The following CYFIP1 variants were observed in gnomAD, a reference collection of about 807,000 sequenced individuals.
CYFIP1 encodes the protein cytoplasmic FMR1-interacting protein 1.
A neutral mutation model predicts 163.5 loss-of-function variants in CYFIP1; 58 were observed. That is an observed-to-expected ratio of 0.35 (90% CI 0.29 to 0.44). CYFIP1 has a LOEUF of 0.44. Ranked by LOEUF, CYFIP1 falls within the 20% of genes least tolerant of loss-of-function variation. The pLI, the probability that CYFIP1 is intolerant of heterozygous loss-of-function variation, is 1.00. For synonymous variants in CYFIP1, 663 were observed against 660.7 expected, an observed-to-expected ratio of 1.00 and a Z score of -0.05; for missense variants, 1,338 against 1,653.8, an observed-to-expected ratio of 0.81 and a Z score of 3.31.
chr15:22,943,164 G>A lies in CYFIP1; in HGVS notation c.569+9C>T, dbSNP rs772060380. 9 of 1,613,442 alleles carry A rather than the reference G, an allele frequency of 5.6e-6. No homozygotes were observed. Among genetic ancestry groups the A allele is most frequent in the African/African-American group, 4.0e-5 (3 of 75,052 alleles). On this transcript the variant is annotated intron_variant, in intron 6 of 30. Coordinates refer to ENST00000617928, the MANE Select transcript of CYFIP1 (RefSeq NM_014608.6). ...GGGAGGGCCCGCAGTGCGCGAGGTGGGTGCTCACCTCTTGTACGCTGAGTG... is the reference window on the plus strand; with the variant it reads ...GGGAGGGCCCGCAGTGCGCGAGGTGAGTGCTCACCTCTTGTACGCTGAGTG...
At chr15:22,918,053 T>G in intron 14 of CYFIP1, 118 bp from the exon 15 acceptor site, 53 of 1,202,636 alleles carry the variant, frequency 4.4e-5, no homozygotes, top group Non-Finnish European at 5.5e-5. Context: ...AAAATACAAA[T>G]TACTCTGGGG....
chr15:22,885,321 C>T (rs2059900542), intron 23 of CYFIP1, among the ~76,000 whole-genome samples: 2 of 152,186 alleles, frequency 1.3e-5, no homozygotes, highest in Non-Finnish European at 2.9e-5. Context: ...AGTCTCTTGG[C>T]TAAAGTGTAG....
At position 22,912,239 on chromosome 15, in the gene CYFIP1, G is replaced by A. The variant is rs1279409146; in HGVS notation, c.2022C>T (p.Ser674=). The A allele has an allele frequency of 4.3e-6, 7 of 1,613,992 alleles. No individual in the cohort carries two copies. Among genetic ancestry groups the A allele is most frequent in the East Asian group, 4.5e-5 (2 of 44,868 alleles). ...TGAACCTGGTGAGCGCGTAGTGGGC[G>A]CTGTCATTGTACAGGTCCAGGGAGT... The part of the protein sequence containing the change: ...VLYSLDLYND[S]AHYALTRFNK... The change falls in exon 18 of 31, where the codon AGC becomes AGT. Residue 674 remains serine (S), a synonymous_variant. Transcript: ENST00000617928.
chr15:22,944,376 G>A (rs542286145), intron 5 of CYFIP1, among the ~76,000 whole-genome samples, 182 bp downstream of exon 5: 3 of 152,076 alleles, frequency 2.0e-5, no homozygotes, highest in Non-Finnish European at 2.9e-5. Flanking sequence ...AAGGAGCGTT[G>A]ATTCCGAAAG....
chr15:22,875,858 C>T (rs889582811), intron 26 of CYFIP1, among the ~76,000 whole-genome samples: 11 of 121,006 alleles, frequency 9.1e-5, no homozygotes, highest in African/African-American at 3.1e-4. Context: ...GTAATAAAAA[C>T]CACACAAGGT....
chr15:22,956,117 G>A (rs1276876758), intron 1 of CYFIP1, among the ~76,000 whole-genome samples: 1 of 152,138 alleles, frequency 6.6e-6, no homozygotes, highest in East Asian at 1.9e-4. Context: ...TGAGGCATGA[G>A]AATCACTTGA....
At chr15:22,912,065 C>T (rs2060803261) in intron 18 of CYFIP1, 114 bp downstream of exon 18, 2 of 933,750 alleles carry the variant, frequency 2.1e-6, no homozygotes. Context: ...ATGCTTGCTT[C>T]GTGGTTTATA....
rs2141780925 is a variant in CYFIP1, at chr15:22,868,679, C to CTTAA, written c.*1348_*1349insTTAA. 1 of 152,234 alleles carries CTTAA rather than the reference C, an allele frequency of 6.6e-6. No individual in the cohort carries two copies. Among genetic ancestry groups the CTTAA allele is most frequent in the East Asian group, 1.9e-4 (1 of 5,178 alleles). The allele number at this position is 152,234 out of a possible 1,614,324, so 9.4% of individuals were successfully genotyped here. On this transcript the variant is annotated 3_prime_UTR_variant, in exon 31 of 31. Coordinates refer to ENST00000617928, the MANE Select transcript of CYFIP1 (RefSeq NM_014608.6). ...GCAGTGTAACAGGATGGTTCGTACA[C>CTTAA]TTACTACTTTTCTGTGCCGTGCATC...
At chr15:22,947,463 G>A (rs12592624) in intron 1 of CYFIP1, 172 bp from the exon 2 acceptor site, 220,714 of 862,580 alleles carry the variant, frequency 0.26, 31,647 homozygotes, top group East Asian at 0.48. Context: ...CTCAGGGCAC[G>A]TGGGCCAGCA....
chr15:22,973,331 AAAAAG>A (rs1175231380), intron 1 of CYFIP1, among the ~76,000 whole-genome samples: 1 of 151,254 alleles, frequency 6.6e-6, no homozygotes, highest in Non-Finnish European at 1.5e-5. Context: ...AAAAAAAAAA[AAAAAG>A]GGAGAAGAAA....
At chr15:22,895,937 T>A (rs956242623) in intron 22 of CYFIP1, among the ~76,000 whole-genome samples, 1 of 152,166 alleles carries the variant, frequency 6.6e-6, no homozygotes, top group African/African-American at 2.4e-5. Flanking sequence ...CTCCCAGACT[T>A]TGCCCTGCAC....
chr15:22,970,265 A>C (rs553861300), intron 1 of CYFIP1, among the ~76,000 whole-genome samples: 1 of 152,296 alleles, frequency 6.6e-6, no homozygotes, highest in Non-Finnish European at 1.5e-5. Flanking sequence ...CTTACACACT[A>C]AAAAATATAA....
intron 13 of CYFIP1, among the ~76,000 whole-genome samples, chr15:22,921,756 C>T (rs2061187098): frequency 1.6e-5 from 2 of 123,292 alleles, no homozygotes; most frequent in South Asian, 6.0e-4. Context: ...ACACGCGAGA[C>T]TCTGTCTCAA....
chr15:22,893,061 TA>T, intron 22 of CYFIP1, 84 bp from the exon 23 acceptor site: 1 of 948,948 alleles, frequency 1.1e-6, no homozygotes, highest in Middle Eastern at 2.3e-4. Context: ...ATAATCCATC[TA>T]CTAAATCTTC....
intron 13 of CYFIP1, among the ~76,000 whole-genome samples, chr15:22,920,314 AC>A (rs1734484956): frequency 1.3e-5 from 2 of 151,850 alleles, no homozygotes; most frequent in African/African-American, 4.8e-5. Context: ...ATAAGCATGC[AC>A]TACCATGCTT....
chr15:22,959,131 G>A (rs1248010758), intron 1 of CYFIP1, among the ~76,000 whole-genome samples: 3 of 152,200 alleles, frequency 2.0e-5, no homozygotes, highest in Non-Finnish European at 4.4e-5. Flanking sequence ...CAGCCCACCT[G>A]GCAGATGCCT....
chr15:22,939,362 C>T (rs2061822485), intron 7 of CYFIP1, 42 bp from the exon 8 acceptor site: 8 of 1,614,038 alleles, frequency 5.0e-6, no homozygotes, highest in African/African-American at 1.3e-5. Flanking sequence ...GCCCGGCGCC[C>T]GGCCGGCTGC....
chr15:22,965,300 A>C (rs755945719), intron 1 of CYFIP1, among the ~76,000 whole-genome samples: 73 of 152,268 alleles, frequency 4.8e-4, no homozygotes, highest in Non-Finnish European at 7.8e-4. Context: ...CTCTACTAAA[A>C]ATACAAAAAT....
chr15:22,938,433 C>CAT (rs2061785825), intron 8 of CYFIP1, among the ~76,000 whole-genome samples: 1 of 151,366 alleles, frequency 6.6e-6, no homozygotes, highest in South Asian at 2.1e-4. Context: ...AGTGAGATCT[C>CAT]ATATCTACAA....
Sources: allele counts gnomAD v4.1 joint callset (sites outside exome capture counted in the v4.1 genomes callset), GRCh38; gene constraint gnomAD v4.1.1; transcripts MANE v1.5; gene names NCBI Gene and HGNC (gene_info 2026-07-23, HGNC 2026-07-21).